Variants in BOD1L1 observed in about 807,000 individuals in gnomAD.
BOD1L1 encodes biorientation of chromosomes in cell division 1 like 1, also known as biorientation of chromosomes in cell division protein 1-like 1.
BOD1L1 carries 86 observed loss-of-function variants against 240.7 expected under a neutral mutation model. That is an observed-to-expected ratio of 0.36 (90% CI 0.30 to 0.43). The LOEUF (loss-of-function observed/expected upper bound fraction) is 0.43. BOD1L1 is among the 20% of genes least tolerant of loss of function. The pLI is 1.00. For missense variants in BOD1L1, 3,554 were observed against 3,643.5 expected, an observed-to-expected ratio of 0.98 and a Z score of 0.63; for synonymous variants, 1,268 against 1,272.3, an observed-to-expected ratio of 1.00 and a Z score of 0.07.
Position 13,601,906 on chromosome 4 carries a change from C to A in BOD1L1, c.4994G>T (p.Gly1665Val). ...TSAGSEEKCD[G>V]SLSRDSEIVE... ...TATTTCTGAGTCTCTACTTAAAGAA[C>A]CATCACATTTTTCTTCAGAGCCTGC... Residue 1665 changes from glycine (G) to valine (V), a missense_variant, in exon 10 of 26, where the codon GGT (glycine) becomes GTT (valine). Physicochemically the swap from Gly to Val is moderately radical, Grantham distance 109. Around this residue, in one of 2 missense-constraint regions of BOD1L1, gnomAD observed 3,393 missense variants for 3,427.1 expected, o/e 0.99. Transcript: ENST00000040738. The A allele has an allele frequency of 6.2e-7, 1 of 1,613,928 alleles. No homozygotes were observed. The highest frequency in any genetic ancestry group is 1.1e-5 in the South Asian group (1 of 91,084).
At position 13,602,773 on chromosome 4, in the gene BOD1L1, T is replaced by A; in HGVS notation, c.4127A>T (p.Asp1376Val). The change falls in exon 10 of 26, where the codon GAT becomes GTT. Residue 1376 changes from aspartate (D) to valine (V), a missense_variant. Asp to Val is a radical substitution (Grantham distance 152, BLOSUM62 -3). Around this residue, in one of 2 missense-constraint regions of BOD1L1, gnomAD observed 3,393 missense variants for 3,427.1 expected, o/e 0.99. Transcript: ENST00000040738. ...IPEAHQATLL[D>V]GKQGKVIMPL... The stretch of plus-strand genomic sequence containing the variant: ...CATGATTACCTTTCCTTGTTTACCA[T>A]CCAATAAAGTAGCCTGGTGAGCTTC... The A allele has an allele frequency of 2.5e-6, 4 of 1,614,062 alleles. No homozygotes were observed. Among genetic ancestry groups the A allele is most frequent in the Non-Finnish European group, 3.4e-6 (4 of 1,179,890 alleles).
At position 13,627,567 on chromosome 4, in the gene BOD1L1, C is replaced by T; in HGVS notation, c.21G>A (p.Pro7=). 4.4e-6 allele frequency: 5 copies of T among 1,139,262 alleles called. No individual in the cohort carries two copies. The highest frequency in any genetic ancestry group is 4.9e-5 in the Admixed American group (1 of 20,316). 70.6% of individuals were successfully genotyped at this position (1,139,262 alleles called of 1,614,324 possible). ...GCGGCGGCGCCGGAGGAGGCGGCTGCGGCTGTGGGTTGGTGGCCATGGTGG... is the reference window on the plus strand; with the variant it reads ...GCGGCGGCGCCGGAGGAGGCGGCTGTGGCTGTGGGTTGGTGGCCATGGTGG... MATNPQ[P]QPPPPAPPPP... The change falls in exon 1 of 26, where the codon CCG becomes CCA. Residue 7 remains proline, a synonymous_variant. Transcript: ENST00000040738.
chr4:13,571,949 T>C (rs1472772971), intron 25 of BOD1L1, among the ~76,000 whole-genome samples: 4 of 152,220 alleles, frequency 2.6e-5, no homozygotes, highest in Non-Finnish European at 4.4e-5. Context: ...CATACAAGTA[T>C]GCTGTGAAGA....
In BOD1L1 at chr4:13,604,422, TTTG is replaced by T. The variant is rs1000153971; in HGVS notation, c.2475_2477del (p.Asn825del). The T allele has an allele frequency of 6.4e-7, 1 of 1,572,544 alleles. No individual in the cohort carries two copies. Among genetic ancestry groups the T allele is most frequent in the African/African-American group, 1.4e-5 (1 of 72,318 alleles). ...TTTCAGCTGACAAGCGTCTCTCTTTTTTGTTGTTTTCTTTACGAACATTCTCAT... is the reference window on the plus strand; with the variant it reads ...TTTCAGCTGACAAGCGTCTCTCTTTTTTGTTTTCTTTACGAACATTCTCAT... On this transcript the variant is annotated inframe_deletion, in exon 10 of 26. Coordinates refer to ENST00000040738, the MANE Select transcript of BOD1L1 (RefSeq NM_148894.3).
intron 1 of BOD1L1, 24 bp from the exon 2 acceptor site, chr4:13,620,091 A>G: frequency 6.3e-7 from 1 of 1,581,714 alleles, no homozygotes; most frequent in South Asian, 1.2e-5. Flanking sequence ...AACGAAGGTA[A>G]GTCTTCAAGG....
intron 2 of BOD1L1, among the ~76,000 whole-genome samples, chr4:13,617,644 A>T (rs1279913437): frequency 6.6e-6 from 1 of 152,204 alleles, no homozygotes; most frequent in Non-Finnish European, 1.5e-5. Flanking sequence ...TTGTACAAAT[A>T]AAAGCTTAAG....
chr4:13,617,737 T>C (rs981196775), intron 2 of BOD1L1, among the ~76,000 whole-genome samples: 1 of 152,214 alleles, frequency 6.6e-6, no homozygotes, highest in Non-Finnish European at 1.5e-5. Context: ...TAGACCATTT[T>C]TGTCTTACAA....
chr4:13,577,966 T>C (rs958847844), intron 22 of BOD1L1: 3 of 190,190 alleles, frequency 1.6e-5, no homozygotes, highest in African/African-American at 2.4e-5. Flanking sequence ...TGCAGTGGCG[T>C]GATCTTGGCT....
At chr4:13,595,798 A>G in intron 12 of BOD1L1, 62 bp downstream of exon 12, 1 of 1,363,730 alleles carries the variant, frequency 7.3e-7, no homozygotes. Context: ...ATTTTTAGAA[A>G]GGTAAAACCA....
chr4:13,599,405 C>T lies in BOD1L1; in HGVS notation c.7495G>A (p.Ala2499Thr), dbSNP rs773713548. The change falls in exon 10 of 26, where the codon GCT (alanine) becomes ACT (threonine). Residue 2499 changes from alanine to threonine, a missense_variant. Ala to Thr is a moderately conservative substitution (Grantham distance 58). Coordinates refer to ENST00000040738, the MANE Select transcript of BOD1L1 (RefSeq NM_148894.3). ...CCTCTCAGGTGGGCAGGTGAGTTAG[C>T]ATTCCCCTCTAAGCCCCTTCCTGCT... ...YSAGRGLEGNANSPAHLRGPE... is the reference protein window; with the variant it reads ...YSAGRGLEGNTNSPAHLRGPE... 30 of 1,614,012 alleles carry T rather than the reference C, an allele frequency of 1.9e-5. No homozygotes were observed. In the East Asian group the frequency reaches 6.5e-4, roughly 35 times the overall value.
chr4:13,602,898 T>C lies in BOD1L1; in HGVS notation c.4002A>G (p.Glu1334=), dbSNP rs1416210384. ...TGTCACTTGTCTTAAGGACTTCTGA[T>C]TCCCTAACAGTCAGACTTTGGTTAG... ...ALPNQSLTVR[E]SEVLKTSDSK... is the part of the protein sequence containing the mutation. The change falls in exon 10 of 26, where the codon GAA becomes GAG. Residue 1334 remains glutamate (E), a synonymous_variant. Transcript: ENST00000040738. 2 of 1,614,038 alleles carry C rather than the reference T, an allele frequency of 1.2e-6. No individual in the cohort carries two copies. Among genetic ancestry groups the C allele is most frequent in the South Asian group, 2.2e-5 (2 of 91,088 alleles).
chr4:13,596,277 C>T (rs1348822159), intron 11 of BOD1L1, among the ~76,000 whole-genome samples: 2 of 152,134 alleles, frequency 1.3e-5, no homozygotes, highest in African/African-American at 2.4e-5. Context: ...ACCACTGCAG[C>T]GCCTGAGACA....
At chr4:13,606,012 T>G (rs888977894) in intron 9 of BOD1L1, among the ~76,000 whole-genome samples, 1 of 152,172 alleles carries the variant, frequency 6.6e-6, no homozygotes, top group Non-Finnish European at 1.5e-5. Flanking sequence ...CTATAATTAT[T>G]CTTATGCAAA....
In BOD1L1 at chr4:13,575,385, A is replaced by T. The variant is rs188289160; in HGVS notation, c.9038+1453T>A. ...AATCACATTAATTAAAAATTAAAAA[A>T]ATATATATTTTTTCAGAGACAGAGT... is the stretch of plus-strand genomic sequence containing the variant. On this transcript the variant is annotated intron_variant, in intron 25 of 25. Coordinates refer to ENST00000040738, the MANE Select transcript of BOD1L1 (RefSeq NM_148894.3). 1.6e-4 allele frequency among the ~76,000 whole-genome samples: 24 copies of T among 152,002 alleles called. No individual in the cohort carries two copies. The East Asian group carries it at 4.5e-3, about 28-fold the overall frequency.
chr4:13,582,863 G>T, intron 17 of BOD1L1, 127 bp from the exon 18 acceptor site: 1 of 632,740 alleles, frequency 1.6e-6, no homozygotes. Context: ...ATAGTTTTTG[G>T]AAAATGTTTT....
Position 13,599,741 on chromosome 4 carries a change from G to T in BOD1L1, c.7159C>A (p.Pro2387Thr). 6.2e-7 allele frequency: 1 copy of T among 1,613,810 alleles called. No homozygotes were observed. Among genetic ancestry groups the T allele is most frequent in the African/African-American group, 1.3e-5 (1 of 75,002 alleles). Reference sequence around the variant, plus strand: ...TCTTTGCCTCCCCTGACTGGCCCAGGACACCGACAGTTATTCTCAGCAATT... The same window carrying T: ...TCTTTGCCTCCCCTGACTGGCCCAGTACACCGACAGTTATTCTCAGCAATT... ...SLIAENNCRC[P>T]GPVRGGKEPG... The change falls in exon 10 of 26, where the codon CCT becomes ACT. Residue 2387 changes from proline (P) to threonine (T), a missense_variant. Pro to Thr is a conservative substitution (Grantham distance 38). This residue lies in a region of BOD1L1 where 3,393 missense variants were observed against 3,427.1 expected (regional missense o/e 0.99). Transcript: ENST00000040738.
chr4:13,609,368 G>C lies in BOD1L1; in HGVS notation c.1530C>G (p.Ile510Met). Residue 510 changes from isoleucine (I) to methionine (M), a missense_variant, in exon 7 of 26, where the codon ATC (isoleucine) becomes ATG (methionine). Coordinates refer to ENST00000040738, the MANE Select transcript of BOD1L1 (RefSeq NM_148894.3). The part of the protein sequence containing the change: ...EKEERLLRRQ[I>M]NREKLEEKRK... ...GTTTTTCTTCAAGTTTTTCTCTATT[G>C]ATTTGCCTTCTTAAAAGCCTCTCTT... 3.3e-6 allele frequency: 5 copies of C among 1,538,400 alleles called. No individual in the cohort carries two copies. The highest frequency in any genetic ancestry group is 4.4e-6 in the Non-Finnish European group (5 of 1,144,526).
At chr4:13,615,153 C>T (rs1270067309) in intron 3 of BOD1L1, among the ~76,000 whole-genome samples, 159 bp downstream of exon 3, 6 of 152,098 alleles carry the variant, frequency 3.9e-5, no homozygotes, top group South Asian at 2.1e-4. Context: ...ATCTAGAAAA[C>T]GAAATGTTAT....
In BOD1L1 at chr4:13,614,615, G is replaced by A. The variant is rs1331375963; in HGVS notation, c.755C>T (p.Thr252Ile). Residue 252 changes from threonine (T) to isoleucine (I), a missense_variant, in exon 4 of 26, where the codon ACT (threonine) becomes ATT (isoleucine). Thr to Ile is a moderately conservative substitution (Grantham distance 89). Transcript: ENST00000040738. ...TTCTTTATCAGCCATGTCCTCTGAA[G>A]TTCTTTCTTTGTCAGTACTAGTATC... Reference protein sequence around the residue: ...TTDTSTDKERTSEDMADKEKS... With the variant: ...TTDTSTDKERISEDMADKEKS... The A allele has an allele frequency of 6.2e-7, 1 of 1,613,784 alleles. No individual in the cohort carries two copies. Among genetic ancestry groups the A allele is most frequent in the East Asian group, 2.2e-5 (1 of 44,888 alleles).
Sources: allele counts gnomAD v4.1 joint callset (sites outside exome capture counted in the v4.1 genomes callset), GRCh38; gene constraint gnomAD v4.1.1; regional missense constraint gnomAD v4.1.1; transcripts MANE v1.5; gene names NCBI Gene and HGNC (gene_info 2026-07-23, HGNC 2026-07-21).